The following RPS6KA3 variants were observed in gnomAD, a reference collection of about 807,000 sequenced individuals.
RPS6KA3 encodes ribosomal protein S6 kinase alpha-3.
Under a neutral mutation model 67.2 loss-of-function variants are expected in RPS6KA3, and 4 were observed. The ratio of observed to expected loss-of-function variants is 0.06; its 90% CI spans 0.03 to 0.14. The LOEUF is 0.14. Among genes scored for constraint, RPS6KA3 ranks in the 10% least tolerant of loss-of-function variants. The pLI, the probability that RPS6KA3 is intolerant of heterozygous loss-of-function variation, is 1.00. For synonymous variants in RPS6KA3, 182 were observed against 183.7 expected (o/e 0.99, Z 0.07); for missense variants, 204 against 559.0 (o/e 0.36, Z 6.40).
chrX:20,260,305 A>G (rs1181246826), intron 1 of RPS6KA3, among the ~76,000 whole-genome samples: 1 of 112,025 alleles, frequency 8.9e-6, no homozygotes, highest in Non-Finnish European at 1.9e-5. Flanking sequence ...ATCAAGTGTA[A>G]GATACACTAT....
intron 4 of RPS6KA3, among the ~76,000 whole-genome samples, chrX:20,199,306 T>C (rs1198279497): frequency 8.9e-6 from 1 of 112,172 alleles, no homozygotes; most frequent in Non-Finnish European, 1.9e-5. Flanking sequence ...TTGATAAATG[T>C]TGAAGCAGGG....
intron 10 of RPS6KA3, among the ~76,000 whole-genome samples, chrX:20,183,256 G>C (rs1167546948): frequency 4.5e-5 from 5 of 110,624 alleles, no homozygotes; most frequent in Non-Finnish European, 7.6e-5. Flanking sequence ...TACCCAGGCT[G>C]GAGTGCAGTG....
intron 1 of RPS6KA3, among the ~76,000 whole-genome samples, chrX:20,259,002 T>C (rs1366140009): frequency 9.0e-6 from 1 of 111,682 alleles, no homozygotes; most frequent in Non-Finnish European, 1.9e-5. Flanking sequence ...GCAGGTAATG[T>C]CAGCAATTGA....
At position 20,152,663 on chromosome X, in the gene RPS6KA3, T is replaced by C. The variant is rs948530089; in HGVS notation, c.*2735A>G. 8.9e-6 allele frequency: 1 copy of C among 111,998 alleles called. No homozygotes were observed. The highest frequency in any genetic ancestry group is 1.9e-5 in the Non-Finnish European group (1 of 53,185). 9.2% of individuals were successfully genotyped at this position (111,998 alleles called of 1,213,427 possible). ...ACACAAGCACTATATTTAGAGCACA[T>C]CGTTGGCCAAGTTTTTCCACTGTAT... On this transcript the variant is annotated 3_prime_UTR_variant, in exon 22 of 22. Coordinates refer to ENST00000379565, the MANE Select transcript of RPS6KA3 (RefSeq NM_004586.3).
At chrX:20,183,997 T>C (rs970385459) in intron 10 of RPS6KA3, among the ~76,000 whole-genome samples, 1 of 112,676 alleles carries the variant, frequency 8.9e-6, no homozygotes, top group African/African-American at 3.2e-5. Context: ...TGAAATAACA[T>C]CTTGGGTACA....
Position 20,176,272 on chromosome X carries a change from C to T in RPS6KA3, c.1080G>A (p.Glu360=), listed in dbSNP as rs114337467. ...TACCTTTGGGAGTTTTTGCAGTAAACTCAGGATCAAAATAGAATGTATCTT... is the reference window on the plus strand; with the variant it reads ...TACCTTTGGGAGTTTTTGCAGTAAATTCAGGATCAAAATAGAATGTATCTT... ...RPEDTFYFDP[E]FTAKTPKDSP... is the part of the protein sequence containing the mutation. The change falls in exon 13 of 22, where the codon GAG becomes GAA. Residue 360 remains glutamate (E), a synonymous_variant. Coordinates refer to ENST00000379565, the MANE Select transcript of RPS6KA3 (RefSeq NM_004586.3). 1.0e-3 allele frequency: 1,204 copies of T among 1,186,137 alleles called. 11 individuals carry two copies. The African/African-American group carries it at 0.019, about 19-fold the overall frequency.
At chrX:20,248,096 G>GA (rs2069750626) in intron 1 of RPS6KA3, among the ~76,000 whole-genome samples, 1 of 111,912 alleles carries the variant, frequency 8.9e-6, no homozygotes, top group Admixed American at 9.4e-5. Context: ...TCCTAAACAG[G>GA]AAAGCTGTTT....
intron 10 of RPS6KA3, among the ~76,000 whole-genome samples, chrX:20,181,663 ATC>A (rs2067846066): frequency 1.8e-5 from 2 of 111,915 alleles, no homozygotes; most frequent in African/African-American, 6.5e-5. Context: ...GAACTGAAAC[ATC>A]TGTTAAATGA....
At chrX:20,235,778 T>C (rs2069394223) in intron 1 of RPS6KA3, among the ~76,000 whole-genome samples, 1 of 111,523 alleles carries the variant, frequency 9.0e-6, no homozygotes, top group Non-Finnish European at 1.9e-5. Context: ...AAAACCAAAA[T>C]ACCACACATA....
At chrX:20,181,871 G>C (rs1191502816) in intron 10 of RPS6KA3, among the ~76,000 whole-genome samples, 1 of 111,696 alleles carries the variant, frequency 9.0e-6, no homozygotes, top group Non-Finnish European at 1.9e-5. Context: ...GCTTTGTGTT[G>C]AAAGGATGCA....
intron 1 of RPS6KA3, among the ~76,000 whole-genome samples, chrX:20,252,760 G>A (rs186197860): frequency 8.1e-4 from 90 of 111,308 alleles, no homozygotes; most frequent in African/African-American, 2.8e-3. Flanking sequence ...AACAACAGGG[G>A]AGGGTAGAGA....
rs1370464489 is a variant in RPS6KA3, at chrX:20,153,064, T to G, written c.*2334A>C. The G allele has an allele frequency of 5.4e-5, 6 of 112,121 alleles. No individual in the cohort carries two copies. The highest frequency in any genetic ancestry group is 1.9e-4 in the African/African-American group (6 of 30,884). The allele number at this position is 112,121 out of a possible 1,213,427, so 9.2% of individuals were successfully genotyped here. On this transcript the variant is annotated 3_prime_UTR_variant, in exon 22 of 22. Transcript: ENST00000379565. ...ATTTATAAGGATTTATGTGTTTACT[T>G]CTAGTTCTAAAATACTATGATGGAC...
At chrX:20,177,989 G>A (rs765359565) in intron 10 of RPS6KA3, among the ~76,000 whole-genome samples, 7 of 111,922 alleles carry the variant, frequency 6.3e-5, no homozygotes, top group Non-Finnish European at 1.3e-4. Flanking sequence ...CAATGATCCT[G>A]TAAGTATGAC....
At chrX:20,193,271 T>G (rs1423863916) in intron 7 of RPS6KA3, among the ~76,000 whole-genome samples, 1 of 109,986 alleles carries the variant, frequency 9.1e-6, no homozygotes, top group Non-Finnish European at 1.9e-5. Flanking sequence ...AGAGCAAAAC[T>G]CCATCTTTAA....
At chrX:20,196,491 T>C (rs141207076) in intron 4 of RPS6KA3, among the ~76,000 whole-genome samples, 2,882 of 112,200 alleles carry the variant, frequency 0.026, 49 homozygotes, top group Middle Eastern at 0.055. Context: ...AACATGAAAA[T>C]GGAAAGAATA....
chrX:20,167,791 A>C lies in RPS6KA3; in HGVS notation c.1444-44T>G, dbSNP rs201378355. 556 of 868,427 alleles carry C rather than the reference A, an allele frequency of 6.4e-4. 3 individuals carry two copies. The highest frequency in any genetic ancestry group is 3.2e-3 in the Middle Eastern group (11 of 3,441). 71.6% of individuals were successfully genotyped at this position (868,427 alleles called of 1,213,427 possible). Reference sequence around the variant, plus strand: ...AAATGTAAATATTATTTGAAACTATATGTGCCCAAAACGAAGTTTAAAATA... The same window carrying C: ...AAATGTAAATATTATTTGAAACTATCTGTGCCCAAAACGAAGTTTAAAATA... On this transcript the variant is annotated intron_variant, in intron 16 of 21. Transcript: ENST00000379565.
intron 2 of RPS6KA3, among the ~76,000 whole-genome samples, chrX:20,231,184 C>G (rs922516700): frequency 7.2e-5 from 8 of 110,994 alleles, no homozygotes; most frequent in African/African-American, 2.6e-4. Flanking sequence ...TCTCGAACTC[C>G]TGGGTTCAAG....
At chrX:20,182,323 A>G (rs2067863853) in intron 10 of RPS6KA3, among the ~76,000 whole-genome samples, 1 of 111,792 alleles carries the variant, frequency 8.9e-6, no homozygotes, top group Non-Finnish European at 1.9e-5. Context: ...TTGTGTCTGT[A>G]CTTCCTTAGC....
chrX:20,266,490 C>T, intron 1 of RPS6KA3, 74 bp downstream of exon 1: 1 of 890,288 alleles, frequency 1.1e-6, no homozygotes, highest in Non-Finnish European at 1.6e-6. Context: ...GAGTGGCCAG[C>T]TCCGGGGAGC....
Sources: allele counts gnomAD v4.1 joint callset (sites outside exome capture counted in the v4.1 genomes callset), GRCh38; gene constraint gnomAD v4.1.1; transcripts MANE v1.5; gene names NCBI Gene and HGNC (gene_info 2026-07-23, HGNC 2026-07-21).